Variants in PITPNC1 observed in about 807,000 individuals in gnomAD.
PITPNC1 encodes cytoplasmic phosphatidylinositol transfer protein 1.
A neutral mutation model predicts 44.7 loss-of-function variants in PITPNC1; 18 were observed. That is an observed-to-expected ratio of 0.40 (90% CI 0.28 to 0.60). PITPNC1 has a LOEUF of 0.60. PITPNC1 is among the 20% of genes least tolerant of loss of function. The pLI, the probability that PITPNC1 is intolerant of heterozygous loss-of-function variation, is 0.39. For missense variants in PITPNC1, 290 were observed against 418.4 expected, an observed-to-expected ratio of 0.69 and a Z score of 2.68; for synonymous variants, 141 against 149.6, an observed-to-expected ratio of 0.94 and a Z score of 0.42.
At chr17:67,647,467 T>TTTTTTTTGTG (rs1567757541) in intron 6 of PITPNC1, among the ~76,000 whole-genome samples, 2 of 63,742 alleles carry the variant, frequency 3.1e-5, no homozygotes, top group African/African-American at 2.3e-4. Flanking sequence ...ATTTTGGGTT[T>TTTTTTTTGTG]TTTTTTTTTT....
intron 1 of PITPNC1, among the ~76,000 whole-genome samples, chr17:67,519,843 A>C (rs905332614): frequency 2.0e-5 from 3 of 152,198 alleles, no homozygotes; most frequent in African/African-American, 7.2e-5. Context: ...CCAGAACCCC[A>C]AAACCACTTG....
chr17:67,629,329 G>A (rs1426536783), intron 5 of PITPNC1, among the ~76,000 whole-genome samples: 2 of 150,478 alleles, frequency 1.3e-5, no homozygotes, highest in African/African-American at 4.9e-5. Flanking sequence ...CTGGAGTGCA[G>A]TGGCACGATC....
At chr17:67,567,333 A>C (rs1386116709) in intron 4 of PITPNC1, among the ~76,000 whole-genome samples, 2 of 151,970 alleles carry the variant, frequency 1.3e-5, no homozygotes, top group Non-Finnish European at 2.9e-5. Flanking sequence ...AAATACAAAA[A>C]ATTAGCCAGG....
intron 1 of PITPNC1, among the ~76,000 whole-genome samples, chr17:67,458,802 TTCAGAACAATTAGCATTGC>T (rs1466993406): frequency 2.0e-5 from 3 of 152,230 alleles, no homozygotes; most frequent in African/African-American, 7.2e-5. Flanking sequence ...GTGAGGCTCC[TTCAGAACAATTAGCATTGC>T]TCAGAACAAT....
intron 1 of PITPNC1, among the ~76,000 whole-genome samples, chr17:67,399,008 C>CTTTTTT (rs34059580): frequency 3.6e-4 from 32 of 88,508 alleles, no homozygotes; most frequent in African/African-American, 7.5e-4. Context: ...AGAGGATCAG[C>CTTTTTT]TTTTTTTTTT....
At chr17:67,627,912 T>G (rs2041914919) in intron 5 of PITPNC1, among the ~76,000 whole-genome samples, 1 of 151,838 alleles carries the variant, frequency 6.6e-6, no homozygotes, top group Non-Finnish European at 1.5e-5. Flanking sequence ...TCTTTTCTTT[T>G]TCTTCTTCTT....
chr17:67,460,146 C>T (rs1395659392), intron 1 of PITPNC1, among the ~76,000 whole-genome samples: 2 of 152,176 alleles, frequency 1.3e-5, no homozygotes, highest in Non-Finnish European at 2.9e-5. Flanking sequence ...TAACCTGTGG[C>T]AGGTATTCTG....
At chr17:67,536,732 C>T (rs1439425828) in intron 2 of PITPNC1, among the ~76,000 whole-genome samples, 1 of 152,164 alleles carries the variant, frequency 6.6e-6, no homozygotes, top group African/African-American at 2.4e-5. Flanking sequence ...CAGATACTCA[C>T]TTTTCTAGCC....
chr17:67,432,407 G>C (rs374264434), intron 1 of PITPNC1, among the ~76,000 whole-genome samples: 18 of 152,164 alleles, frequency 1.2e-4, no homozygotes, highest in African/African-American at 4.1e-4. Context: ...AGAATGGCGT[G>C]AACCTGGGAG....
intron 5 of PITPNC1, among the ~76,000 whole-genome samples, chr17:67,626,733 A>C (rs548915175): frequency 6.6e-6 from 1 of 151,372 alleles, no homozygotes; most frequent in East Asian, 2.0e-4. Context: ...CCATAGTAGG[A>C]GGCTGTCACC....
chr17:67,498,487 A>T (rs73347997), intron 1 of PITPNC1, among the ~76,000 whole-genome samples: 13,252 of 152,242 alleles, frequency 0.087, 594 homozygotes, highest in South Asian at 0.14. Context: ...GCTCTTGTGA[A>T]TAATGCTGCA....
chr17:67,470,493 C>G (rs910506390), intron 1 of PITPNC1, among the ~76,000 whole-genome samples: 4 of 152,340 alleles, frequency 2.6e-5, no homozygotes, highest in African/African-American at 9.6e-5. Context: ...TGCAGTCATA[C>G]AGATGTAGTC....
At position 67,448,194 on chromosome 17, in the gene PITPNC1, G is replaced by A. The variant is rs368831468; in HGVS notation, c.48+69992G>A. 5.9e-5 allele frequency among the ~76,000 whole-genome samples: 9 copies of A among 152,028 alleles called. No homozygotes were observed. The East Asian group carries it at 1.4e-3, about 23-fold the overall frequency. On this transcript the variant is annotated intron_variant, in intron 1 of 8. Coordinates refer to ENST00000581322, the MANE Select transcript of PITPNC1 (RefSeq NM_012417.4). ...ACTTCTGACCTCAGGTGATCCGCCC[G>A]CCTTGGCCTCCCAAAGTGCTGGGAT...
At chr17:67,442,888 T>C (rs1200905707) in intron 1 of PITPNC1, among the ~76,000 whole-genome samples, 2 of 151,862 alleles carry the variant, frequency 1.3e-5, no homozygotes, top group African/African-American at 4.8e-5. Context: ...AAAATAATAT[T>C]TATCTGTATT....
At chr17:67,396,518 C>G (rs897183400) in intron 1 of PITPNC1, among the ~76,000 whole-genome samples, 3 of 151,580 alleles carry the variant, frequency 2.0e-5, no homozygotes, top group African/African-American at 7.3e-5. Flanking sequence ...TTACAGGCAC[C>G]GGCCACCACA....
intron 1 of PITPNC1, among the ~76,000 whole-genome samples, chr17:67,446,167 G>C (rs771527801): frequency 1.3e-5 from 2 of 151,556 alleles, no homozygotes; most frequent in South Asian, 4.2e-4. Context: ...GGATGGTCTC[G>C]ATCTCTTGAC....
chr17:67,549,282 T>C (rs1450879477), intron 2 of PITPNC1, among the ~76,000 whole-genome samples: 1 of 152,070 alleles, frequency 6.6e-6, no homozygotes, highest in Non-Finnish European at 1.5e-5. Flanking sequence ...GGCGAAACCC[T>C]GTCTCTATAG....
chr17:67,566,772 G>A (rs1414889778), intron 4 of PITPNC1, among the ~76,000 whole-genome samples: 1 of 152,176 alleles, frequency 6.6e-6, no homozygotes, highest in African/African-American at 2.4e-5. Context: ...AGTGGCCACA[G>A]CACATACTGA....
intron 1 of PITPNC1, among the ~76,000 whole-genome samples, chr17:67,398,905 T>C (rs189142994): frequency 1.1e-3 from 171 of 152,188 alleles, no homozygotes; most frequent in Non-Finnish European, 3.5e-4. Context: ...CATGCACTTA[T>C]GAAGCTTTCT....
Sources: gnomAD v4.1 joint callset for allele counts (sites outside exome capture counted in the v4.1 genomes callset) on GRCh38, gnomAD v4.1.1 for gene constraint, MANE v1.5 for transcripts, NCBI Gene and HGNC (gene_info 2026-07-23, HGNC 2026-07-21) for gene names.